POU2F3: variants seen among roughly 807,000 people sequenced by gnomAD.
POU2F3 encodes POU class 2 homeobox 3.
A neutral mutation model predicts 59.2 loss-of-function variants in POU2F3; 23 were observed. The observed-to-expected ratio is 0.39, with a 90% CI of 0.28 to 0.55. POU2F3 has a LOEUF of 0.55. POU2F3 is among the 20% of genes least tolerant of loss of function. POU2F3 has a pLI of 0.66. For missense variants in POU2F3, 473 were observed against 544.5 expected, an observed-to-expected ratio of 0.87 and a Z score of 1.31; for synonymous variants, 190 against 214.6, an observed-to-expected ratio of 0.89 and a Z score of 1.00.
At chr11:120,240,419 CA>C in intron 1 of POU2F3, 48 bp downstream of exon 1, 1 of 1,349,544 alleles carries the variant, frequency 7.4e-7, no homozygotes, top group Non-Finnish European at 9.6e-7. Context: ...TGCGCGTGGG[CA>C]GGGGTGAAGG....
At chr11:120,299,331 A>G (rs1941279056) in intron 4 of POU2F3, among the ~76,000 whole-genome samples, 1 of 152,212 alleles carries the variant, frequency 6.6e-6, no homozygotes, top group African/African-American at 2.4e-5. Flanking sequence ...AGGGCATTTT[A>G]TAGTCTAGTT....
At chr11:120,301,138 G>GA (rs1205689897) in intron 5 of POU2F3, 1 of 450,270 alleles carries the variant, frequency 2.2e-6, no homozygotes, top group Non-Finnish European at 4.5e-6. Context: ...TTTGGAGTCA[G>GA]AAAAATTTAC....
At chr11:120,311,097 T>C (rs1941638312) in intron 10 of POU2F3, among the ~76,000 whole-genome samples, 1 of 150,348 alleles carries the variant, frequency 6.7e-6, no homozygotes, top group African/African-American at 2.5e-5. Context: ...AGGGAGAGTG[T>C]GGCATGCTCA....
rs11443197 is a variant in POU2F3, at chr11:120,304,942, TAAAAAAAAAAA to T, written c.445-69_445-59del. On this transcript the variant is annotated intron_variant, in intron 6 of 12. Transcript: ENST00000543440. ...GTCATCCTCTAAGTGGGCCTATTAGTAAAAAAAAAAAAAAAAAAAAAAAAAAAAATCAGAAA... is the reference window on the plus strand; with the variant it reads ...GTCATCCTCTAAGTGGGCCTATTAGTAAAAAAAAAAAAAAAAAATCAGAAA... The T allele has an allele frequency of 1.1e-3, 379 of 336,644 alleles. 2 individuals carry two copies. The highest frequency in any genetic ancestry group is 1.7e-3 in the Non-Finnish European group (337 of 199,428). The allele number at this position is 336,644 out of a possible 1,614,324, so 20.9% of individuals were successfully genotyped here. A position where few individuals can be genotyped will look rare whatever the true frequency, so the allele number is the denominator to read the frequency against.
intron 1 of POU2F3, among the ~76,000 whole-genome samples, chr11:120,245,189 GCA>G (rs1938819850): frequency 6.6e-6 from 1 of 152,068 alleles, no homozygotes; most frequent in South Asian, 2.1e-4. Context: ...GTCTTGTTTG[GCA>G]TCGAAGCTGC....
At chr11:120,308,757 G>A (rs1941567017) in intron 9 of POU2F3, among the ~76,000 whole-genome samples, 1 of 151,684 alleles carries the variant, frequency 6.6e-6, no homozygotes, top group South Asian at 2.1e-4. Context: ...GCCCAACATG[G>A]TGAAACCCCA....
intron 6 of POU2F3, 123 bp downstream of exon 6, chr11:120,302,491 G>A: frequency 1.2e-6 from 1 of 857,222 alleles, no homozygotes; most frequent in Non-Finnish European, 1.8e-6. Flanking sequence ...GGGATAGCAG[G>A]GAACTATCCA....
chr11:120,250,573 C>A (rs963882147), intron 2 of POU2F3, among the ~76,000 whole-genome samples: 5 of 152,212 alleles, frequency 3.3e-5, no homozygotes, highest in Non-Finnish European at 5.9e-5. Context: ...AGCTCCCATA[C>A]CTAGAGAATG....
chr11:120,314,038 A>ACAC (rs1329925735), intron 10 of POU2F3, among the ~76,000 whole-genome samples: 1 of 151,954 alleles, frequency 6.6e-6, no homozygotes, highest in Non-Finnish European at 1.5e-5. Context: ...AACAACAACA[A>ACAC]CACATGTCTT....
chr11:120,290,674 G>A (rs1940987779), intron 3 of POU2F3, among the ~76,000 whole-genome samples: 1 of 152,224 alleles, frequency 6.6e-6, no homozygotes, highest in African/African-American at 2.4e-5. Context: ...GAATTATCAA[G>A]AAGAATAAAT....
intron 3 of POU2F3, among the ~76,000 whole-genome samples, chr11:120,293,222 G>A (rs962801374): frequency 6.6e-6 from 1 of 152,148 alleles, no homozygotes; most frequent in Non-Finnish European, 1.5e-5. Flanking sequence ...GAGTCCAGGG[G>A]CTGGATGAGG....
Position 120,285,105 on chromosome 11 carries a change from T to TAGTTA in POU2F3, c.133-13159_133-13155dup, listed in dbSNP as rs1002535063. 2.0e-5 allele frequency among the ~76,000 whole-genome samples: 3 copies of TAGTTA among 152,246 alleles called. No homozygotes were observed. Among genetic ancestry groups the TAGTTA allele is most frequent in the Admixed American group, 6.5e-5 (1 of 15,284 alleles). On this transcript the variant is annotated intron_variant, in intron 3 of 12. Transcript: ENST00000543440. The surrounding 1 kb of genome is among the most constrained non-coding windows in gnomAD (Gnocchi z 4.3). ...AAACGAAGGTCAGAGTCGGTGATGT[T>TAGTTA]AGTTACTTTACTATTCTTATTTGGC...
chr11:120,304,030 A>G (rs1031201624), intron 6 of POU2F3: 2 of 152,200 alleles, frequency 1.3e-5, no homozygotes, highest in Non-Finnish European at 2.9e-5. Context: ...TCCTATGAAA[A>G]TAAGCTCAAG....
chr11:120,264,328 A>G (rs1370992495), intron 2 of POU2F3, among the ~76,000 whole-genome samples: 2 of 152,112 alleles, frequency 1.3e-5, no homozygotes, highest in Admixed American at 6.5e-5. Context: ...AGGTTGCAGT[A>G]AGCTGAGATC....
At chr11:120,301,149 TG>T (rs1333579598) in intron 5 of POU2F3, 4 of 449,792 alleles carry the variant, frequency 8.9e-6, no homozygotes, top group Non-Finnish European at 1.8e-5. Flanking sequence ...AAAAATTTAC[TG>T]GTTTCTTTAA....
At chr11:120,308,748 C>T (rs376844973) in intron 9 of POU2F3, among the ~76,000 whole-genome samples, 9 of 151,384 alleles carry the variant, frequency 5.9e-5, no homozygotes, top group South Asian at 4.2e-4. Flanking sequence ...GACCAGCCTG[C>T]CCAACATGGT....
upstream of POU2F3, chr11:120,236,677 G>A (rs552198291): frequency 1.3e-5 from 20 of 1,504,510 alleles, no homozygotes; most frequent in East Asian, 2.4e-4. Context: ...CGGTTTCATG[G>A]AGTCTCCAAG....
chr11:120,265,156 G>T (rs1395091467), intron 2 of POU2F3, among the ~76,000 whole-genome samples: 1 of 152,194 alleles, frequency 6.6e-6, no homozygotes, highest in African/African-American at 2.4e-5. Flanking sequence ...AACAAGCATG[G>T]CAGTAAAATG....
intron 5 of POU2F3, among the ~76,000 whole-genome samples, chr11:120,300,743 G>C (rs959172908): frequency 1.3e-5 from 2 of 150,612 alleles, no homozygotes; most frequent in African/African-American, 2.5e-5. Flanking sequence ...CAGCCTGGGC[G>C]ACAGAGCAAA....
Sources: gnomAD v4.1 joint callset for allele counts (sites outside exome capture counted in the v4.1 genomes callset) on GRCh38, gnomAD v4.1.1 for gene constraint, Gnocchi (gnomAD v3.1) non-coding constraint, MANE v1.5 for transcripts, NCBI Gene and HGNC (gene_info 2026-07-23, HGNC 2026-07-21) for gene names.